The following KLHL14 variants were observed in gnomAD, a reference collection of about 807,000 sequenced individuals.
The protein encoded by KLHL14 is kelch-like protein 14.
KLHL14 carries 22 observed loss-of-function variants against 64.3 expected under a neutral mutation model. The ratio of observed to expected loss-of-function variants is 0.34; its 90% CI spans 0.24 to 0.49. KLHL14 has a LOEUF of 0.49. Among genes scored for constraint, KLHL14 ranks in the 20% least tolerant of loss-of-function variants. The pLI, the probability that KLHL14 is intolerant of heterozygous loss-of-function variation, is 0.99. For missense variants in KLHL14, 661 were observed against 789.0 expected, an observed-to-expected ratio of 0.84 and a Z score of 1.94; for synonymous variants, 322 against 333.4, an observed-to-expected ratio of 0.97 and a Z score of 0.37.
chr18:32,750,338 A>G (rs552606827), intron 2 of KLHL14, among the ~76,000 whole-genome samples: 5 of 152,250 alleles, frequency 3.3e-5, no homozygotes, highest in African/African-American at 1.2e-4. Flanking sequence ...ATAGGAATAA[A>G]ATATTTATAT....
At chr18:32,714,089 A>G (rs544282242) in intron 3 of KLHL14, among the ~76,000 whole-genome samples, 2 of 152,312 alleles carry the variant, frequency 1.3e-5, no homozygotes, top group East Asian at 3.9e-4. Context: ...ATGCTTTTTT[A>G]CTAAATTTTA....
intron 3 of KLHL14, among the ~76,000 whole-genome samples, chr18:32,712,260 T>C (rs2050022962): frequency 6.6e-6 from 1 of 152,198 alleles, no homozygotes; most frequent in African/African-American, 2.4e-5. Context: ...TTGTTCTTTC[T>C]CCTCAACTCT....
At chr18:32,686,664 G>A (rs1199511248) in intron 5 of KLHL14, among the ~76,000 whole-genome samples, 1 of 151,980 alleles carries the variant, frequency 6.6e-6, no homozygotes, top group African/African-American at 2.4e-5. Flanking sequence ...ATTTACTATT[G>A]AGATGTTAAA....
At chr18:32,763,891 G>A (rs2050327158) in intron 2 of KLHL14, among the ~76,000 whole-genome samples, 1 of 152,098 alleles carries the variant, frequency 6.6e-6, no homozygotes, top group South Asian at 2.1e-4. Context: ...ACCGTCTATT[G>A]GGGTCTGAGA....
intron 2 of KLHL14, among the ~76,000 whole-genome samples, chr18:32,753,784 C>T (rs1444253240): frequency 1.3e-5 from 2 of 152,262 alleles, no homozygotes; most frequent in African/African-American, 2.4e-5. Flanking sequence ...TCCTTCTCCA[C>T]CTCCCAGATT....
At chr18:32,695,589 T>C in intron 3 of KLHL14, 37 bp from the exon 4 acceptor site, 1 of 1,375,532 alleles carries the variant, frequency 7.3e-7, no homozygotes, top group Non-Finnish European at 1.0e-6. Context: ...ATATGAAATT[T>C]TCCATCTCAG....
At chr18:32,728,426 T>C (rs2050118122) in intron 3 of KLHL14, among the ~76,000 whole-genome samples, 1 of 152,218 alleles carries the variant, frequency 6.6e-6, no homozygotes, top group Non-Finnish European at 1.5e-5. Context: ...ATGTCTGAAT[T>C]AAATTAACAA....
At chr18:32,729,324 A>AG (rs1352232296) in intron 3 of KLHL14, among the ~76,000 whole-genome samples, 1 of 152,178 alleles carries the variant, frequency 6.6e-6, no homozygotes, top group Non-Finnish European at 1.5e-5. Context: ...CACTTGCCAC[A>AG]GGGGGTTACT....
chr18:32,734,427 C>T, intron 3 of KLHL14, among the ~76,000 whole-genome samples: 1 of 152,118 alleles, frequency 6.6e-6, no homozygotes, highest in East Asian at 1.9e-4. Flanking sequence ...GTAGAATAAG[C>T]AAGAAATCAT....
At chr18:32,730,031 T>G (rs1019269598) in intron 3 of KLHL14, among the ~76,000 whole-genome samples, 12 of 152,362 alleles carry the variant, frequency 7.9e-5, no homozygotes, top group African/African-American at 2.4e-4. Flanking sequence ...GGTCTATTGT[T>G]TTCATCTTAA....
intron 4 of KLHL14, among the ~76,000 whole-genome samples, chr18:32,694,339 A>G (rs1397328315): frequency 6.6e-6 from 1 of 152,254 alleles, no homozygotes; most frequent in East Asian, 1.9e-4. Flanking sequence ...AGGAGTTTAC[A>G]ATGCATTGTG....
intron 3 of KLHL14, among the ~76,000 whole-genome samples, chr18:32,716,647 G>GACCTCAGGTGATCCACCC (rs921997903): frequency 6.6e-6 from 1 of 152,118 alleles, no homozygotes; most frequent in African/African-American, 2.4e-5. Context: ...TCAAACTCCT[G>GACCTCAGGTGATCCACCC]ACCTCAGGTG....
intron 3 of KLHL14, among the ~76,000 whole-genome samples, chr18:32,725,877 G>A (rs6506982): frequency 0.31 from 46,560 of 152,094 alleles, 7,482 homozygotes; most frequent in African/African-American, 0.4. Flanking sequence ...CATACAACTT[G>A]TTTTACCTCT....
rs1409255116 is a variant in KLHL14 at position 32,770,715 on chromosome 18, G to A, written c.-43-81C>T. 1 of 502,778 alleles carries A rather than the reference G, an allele frequency of 2.0e-6. No homozygotes were observed. The highest frequency in any genetic ancestry group is 3.1e-6 in the Non-Finnish European group (1 of 327,528). The allele number at this position is 502,778 out of a possible 1,614,324, so 31.1% of individuals were successfully genotyped here. On this transcript the variant is annotated intron_variant, in intron 1 of 8. Coordinates refer to ENST00000359358, the MANE Select transcript of KLHL14 (RefSeq NM_020805.3). The surrounding 1 kb of genome is among the most constrained non-coding windows in gnomAD (Gnocchi z 6.7). ...GGGTGTGGTCGGGGTGGGGAAGGGT[G>A]TGGAGGGGAGGGGAGGGCGAAGAAC...
intron 2 of KLHL14, among the ~76,000 whole-genome samples, chr18:32,751,469 G>T (rs2050251351): frequency 6.6e-6 from 1 of 152,274 alleles, no homozygotes; most frequent in East Asian, 1.9e-4. Flanking sequence ...AGCTTTTCCA[G>T]TGTGCAGGAT....
chr18:32,718,290 G>A (rs2049336), intron 3 of KLHL14, among the ~76,000 whole-genome samples: 36,559 of 152,048 alleles, frequency 0.24, 4,613 homozygotes, highest in Middle Eastern at 0.32. Context: ...TCAGGAGTTC[G>A]CCAACTCTGA....
intron 3 of KLHL14, among the ~76,000 whole-genome samples, chr18:32,712,179 T>C (rs538135006): frequency 5.3e-5 from 8 of 152,270 alleles, no homozygotes; most frequent in African/African-American, 1.9e-4. Flanking sequence ...ATCTGCAAAG[T>C]CTAAAATATT....
At chr18:32,753,094 G>A (rs1336622649) in intron 2 of KLHL14, among the ~76,000 whole-genome samples, 1 of 151,756 alleles carries the variant, frequency 6.6e-6, no homozygotes, top group Non-Finnish European at 1.5e-5. Context: ...GGCTTCATGG[G>A]TTAATTATTT....
chr18:32,771,524 G>T (rs2050384827), intron 1 of KLHL14, among the ~76,000 whole-genome samples: 1 of 152,014 alleles, frequency 6.6e-6, no homozygotes, highest in Non-Finnish European at 1.5e-5. Flanking sequence ...CCCCCACCCG[G>T]TGGCCCCCTC....
Sources: gnomAD v4.1 joint callset for allele counts (sites outside exome capture counted in the v4.1 genomes callset) on GRCh38, gnomAD v4.1.1 for gene constraint, Gnocchi (gnomAD v3.1) non-coding constraint, MANE v1.5 for transcripts, NCBI Gene and HGNC (gene_info 2026-07-23, HGNC 2026-07-21) for gene names.